SLC5A11: variants seen among roughly 807,000 people sequenced by gnomAD.
SLC5A11 encodes the protein sodium/myo-inositol cotransporter 2.
In SLC5A11, 48 loss-of-function variants were observed where a neutral mutation model predicts 69.8. The observed-to-expected ratio is 0.69, with a 90% CI of 0.55 to 0.87. The LOEUF (loss-of-function observed/expected upper bound fraction) is 0.87. SLC5A11 is among the 40% of genes least tolerant of loss of function. The probability of loss-of-function intolerance (pLI) is 0.00; values close to 1 mark genes in which losing one functional copy is unlikely to be tolerated. For missense variants in SLC5A11, 784 were observed against 866.1 expected (o/e 0.91, Z 1.19); for synonymous variants, 319 against 342.4 (o/e 0.93, Z 0.75).
chr16:24,851,539 C>T (rs2059307275), intron 1 of SLC5A11, among the ~76,000 whole-genome samples: 1 of 151,466 alleles, frequency 6.6e-6, no homozygotes, highest in Non-Finnish European at 1.5e-5. Context: ...AGTGAGACTT[C>T]ATCTCAAAAA....
At chr16:24,887,750 T>C (rs1208971482) in intron 8 of SLC5A11, among the ~76,000 whole-genome samples, 1 of 152,202 alleles carries the variant, frequency 6.6e-6, no homozygotes, top group Admixed American at 6.5e-5. Context: ...CTATATATTA[T>C]TTATTTTCTC....
At chr16:24,873,443 C>T (rs1418907302) in intron 5 of SLC5A11, among the ~76,000 whole-genome samples, 1 of 151,894 alleles carries the variant, frequency 6.6e-6, no homozygotes, top group Non-Finnish European at 1.5e-5. Context: ...CCAGCCTGGG[C>T]AACACAGTGA....
chr16:24,872,201 C>G (rs2047348507), exon 5 of SLC5A11: 1 of 1,614,186 alleles, frequency 6.2e-7, no homozygotes, highest in Non-Finnish European at 8.5e-7. Context: ...TCTTCCTACC[C>G]ATCTACATTG....
At chr16:24,856,974 C>A in intron 1 of SLC5A11, among the ~76,000 whole-genome samples, 1 of 152,018 alleles carries the variant, frequency 6.6e-6, no homozygotes, top group Middle Eastern at 3.4e-3. Flanking sequence ...GCATGCGCCA[C>A]CACACCCAGC....
chr16:24,865,940 T>C (rs902254261), intron 3 of SLC5A11, among the ~76,000 whole-genome samples: 3 of 151,764 alleles, frequency 2.0e-5, no homozygotes, highest in Admixed American at 6.6e-5. Flanking sequence ...GACAGTTGCA[T>C]AAATAGCATA....
chr16:24,885,792 TC>T (rs1228954012), intron 8 of SLC5A11, among the ~76,000 whole-genome samples: 7 of 150,784 alleles, frequency 4.6e-5, no homozygotes, highest in Non-Finnish European at 1.0e-4. Flanking sequence ...GAAGAAAATA[TC>T]AAGAGAGTGC....
chr16:24,861,709 A>C (rs1268308802), intron 2 of SLC5A11, among the ~76,000 whole-genome samples: 1 of 149,562 alleles, frequency 6.7e-6, no homozygotes, highest in Non-Finnish European at 1.5e-5. Flanking sequence ...AGGGAAAAGG[A>C]AGGGAAGGGG....
At chr16:24,871,254 T>C (rs1221914657) in intron 4 of SLC5A11, among the ~76,000 whole-genome samples, 1 of 146,092 alleles carries the variant, frequency 6.8e-6, no homozygotes, top group Non-Finnish European at 1.5e-5. Context: ...GCAAGTGTTA[T>C]TTCTGCTTGT....
chr16:24,851,989 CT>C (rs2059330846), intron 1 of SLC5A11, among the ~76,000 whole-genome samples: 40 of 150,602 alleles, frequency 2.7e-4, no homozygotes, highest in African/African-American at 7.6e-4. Flanking sequence ...CTCTCTCTCT[CT>C]CTCTCCCACT....
At chr16:24,870,313 A>G (rs1597075600) in intron 4 of SLC5A11, among the ~76,000 whole-genome samples, 1 of 152,046 alleles carries the variant, frequency 6.6e-6, no homozygotes, top group East Asian at 1.9e-4. Flanking sequence ...GAATCATCTG[A>G]ACCCGGGAGG....
At chr16:24,886,800 A>G (rs2048431247) in intron 8 of SLC5A11, among the ~76,000 whole-genome samples, 1 of 152,178 alleles carries the variant, frequency 6.6e-6, no homozygotes, top group African/African-American at 2.4e-5. Flanking sequence ...ATGGAAAATT[A>G]GCTGGATGTG....
intron 10 of SLC5A11, among the ~76,000 whole-genome samples, chr16:24,904,413 ATTATGTT>A (rs1380590663): frequency 6.6e-6 from 1 of 152,120 alleles, no homozygotes; most frequent in Non-Finnish European, 1.5e-5. Flanking sequence ...ACCAGCATTT[ATTATGTT>A]TTGTCTTTTT....
intron 8 of SLC5A11, among the ~76,000 whole-genome samples, chr16:24,884,794 G>C (rs2048293246): frequency 6.6e-6 from 1 of 151,946 alleles, no homozygotes; most frequent in Non-Finnish European, 1.5e-5. Flanking sequence ...AGGCTGAAGT[G>C]CAGTGACACA....
exon 10 of SLC5A11, chr16:24,898,106 C>T: frequency 6.2e-7 from 1 of 1,613,878 alleles, no homozygotes; most frequent in Non-Finnish European, 8.5e-7. Context: ...CATCCTCTTC[C>T]CAGGTGAGAA....
chr16:24,890,778 T>G (rs1713374390), intron 8 of SLC5A11, 91 bp from the exon 10 acceptor site: 3 of 1,232,450 alleles, frequency 2.4e-6, no homozygotes, highest in Admixed American at 3.4e-5. Flanking sequence ...GCTCTGGTCC[T>G]ACTAGAATTT....
chr16:24,870,442 A>ACCACACACACACACACACAC (rs71156449), intron 4 of SLC5A11, among the ~76,000 whole-genome samples: 1 of 140,556 alleles, frequency 7.1e-6, no homozygotes, highest in Non-Finnish European at 1.5e-5. Flanking sequence ...AACAAAAAAA[A>ACCACACACACACACACACAC]ACACACACAC....
chr16:24,890,978 C>A, exon 9 of SLC5A11: 1 of 1,614,172 alleles, frequency 6.2e-7, no homozygotes, highest in Non-Finnish European at 8.5e-7. Flanking sequence ...AAGATGCCTT[C>A]CATATTTTCC....
At position 24,854,522 on chromosome 16, in the gene SLC5A11, C is replaced by T. The variant is rs146102084; in HGVS notation, c.-24-4098C>T. The stretch of plus-strand genomic sequence containing the variant: ...ACAGCTCACTGCAACCTCCGCCTCC[C>T]GGGTTCAAGCGATCTTTCTGCCTTA... On this transcript the variant is annotated intron_variant, in intron 1 of 15. Transcript: ENST00000347898. Among the ~76,000 whole-genome samples the T allele has an allele frequency of 9.9e-5, 15 of 152,068 alleles. No homozygotes were observed. The East Asian group carries it at 1.7e-3, about 18-fold the overall frequency.
intron 3 of SLC5A11, among the ~76,000 whole-genome samples, chr16:24,864,642 A>G (rs1341193268): frequency 6.6e-6 from 1 of 152,232 alleles, no homozygotes; most frequent in Admixed American, 6.5e-5. Flanking sequence ...AAAGCAGTCA[A>G]TAGAAAGTGT....
Sources: gnomAD v4.1 joint callset for allele counts (sites outside exome capture counted in the v4.1 genomes callset) on GRCh38, gnomAD v4.1.1 for gene constraint, MANE v1.5 for transcripts, NCBI Gene and HGNC (gene_info 2026-07-23, HGNC 2026-07-21) for gene names.